GRIA3: variants seen among roughly 807,000 people sequenced by gnomAD.
The protein encoded by GRIA3 is glutamate receptor 3.
A neutral mutation model predicts 63.0 loss-of-function variants in GRIA3; 3 were observed. The observed-to-expected ratio is 0.05, with a 90% CI of 0.02 to 0.12. GRIA3 has a LOEUF of 0.12. GRIA3 is among the 10% of genes least tolerant of loss of function. The pLI, the probability that GRIA3 is intolerant of heterozygous loss-of-function variation, is 1.00. For synonymous variants in GRIA3, 274 were observed against 257.9 expected, an observed-to-expected ratio of 1.06 and a Z score of -0.60; for missense variants, 347 against 700.9, an observed-to-expected ratio of 0.50 and a Z score of 5.70.
At chrX:123,468,121 T>C in intron 13 of GRIA3, among the ~76,000 whole-genome samples, 1 of 111,917 alleles carries the variant, frequency 8.9e-6, no homozygotes, top group Non-Finnish European at 1.9e-5. Flanking sequence ...GATAATAGTA[T>C]GATCGATCAG....
intron 13 of GRIA3, among the ~76,000 whole-genome samples, chrX:123,467,381 T>C (rs1162090729): frequency 8.9e-6 from 1 of 112,364 alleles, no homozygotes; most frequent in Admixed American, 9.4e-5. Flanking sequence ...TCATCCCTTA[T>C]GGATTCCAAT....
At chrX:123,211,937 T>C (rs1928052157) in intron 2 of GRIA3, among the ~76,000 whole-genome samples, 1 of 111,822 alleles carries the variant, frequency 8.9e-6, no homozygotes. Flanking sequence ...CCGTATAGTA[T>C]CGTTATTGAG....
chrX:123,387,560 G>A (rs1390044827), intron 5 of GRIA3, among the ~76,000 whole-genome samples: 1 of 111,468 alleles, frequency 9.0e-6, no homozygotes, highest in Non-Finnish European at 1.9e-5. Context: ...TCTGATTTCA[G>A]CTGTGGGTTT....
chrX:123,285,361 G>C (rs1285839495), intron 3 of GRIA3, among the ~76,000 whole-genome samples: 1 of 109,744 alleles, frequency 9.1e-6, no homozygotes, highest in Non-Finnish European at 1.9e-5. Flanking sequence ...AAAATAACCA[G>C]CTGGCATCAT....
At chrX:123,403,655 A>T in intron 9 of GRIA3, 136 bp downstream of exon 9, 1 of 530,437 alleles carries the variant, frequency 1.9e-6, no homozygotes, top group Non-Finnish European at 3.4e-6. Flanking sequence ...GGAAACTCTC[A>T]AAGTATCTTG....
intron 2 of GRIA3, among the ~76,000 whole-genome samples, chrX:123,194,880 T>G (rs775624494): frequency 7.1e-5 from 8 of 112,509 alleles, no homozygotes; most frequent in Non-Finnish European, 1.1e-4. Flanking sequence ...GCTATTGGCC[T>G]ATGCAAGCAT....
At chrX:123,223,797 G>GA (rs2044230890) in intron 2 of GRIA3, among the ~76,000 whole-genome samples, 1 of 111,846 alleles carries the variant, frequency 8.9e-6, no homozygotes, top group African/African-American at 3.3e-5. Flanking sequence ...ATACAAATTT[G>GA]AAAAAATAGA....
rs749956793 is a variant in GRIA3 at position 123,371,987 on chromosome X, T to C, written c.750+17024T>C. ...CCGGGAGATTTTCCCCAATGTTTCA[T>C]TGTAGTGGTTTCATTATAGGAGGTC... On this transcript the variant is annotated intron_variant, in intron 5 of 15. Transcript: ENST00000620443. Among the ~76,000 whole-genome samples, 4 of 111,826 alleles carry C rather than the reference T, an allele frequency of 3.6e-5. No homozygotes were observed. In the Admixed American group the frequency reaches 3.8e-4, roughly 11 times the overall value.
At chrX:123,483,146 A>G in intron 15 of GRIA3, 100 bp downstream of exon 15, 2 of 701,296 alleles carry the variant, frequency 2.9e-6, no homozygotes, top group Non-Finnish European at 4.4e-6. Flanking sequence ...TATTGTTCAA[A>G]GCATTGTCTC....
intron 3 of GRIA3, among the ~76,000 whole-genome samples, chrX:123,300,530 C>T (rs1055964276): frequency 9.2e-6 from 1 of 108,569 alleles, no homozygotes; most frequent in African/African-American, 3.3e-5. Context: ...TGAATTTTCT[C>T]TCTTTTCTTA....
intron 3 of GRIA3, among the ~76,000 whole-genome samples, chrX:123,284,337 C>A (rs867177609): frequency 2.7e-5 from 3 of 111,764 alleles, no homozygotes; most frequent in Non-Finnish European, 5.6e-5. Context: ...CAGAATGCCT[C>A]TTCAACTCCA....
At chrX:123,391,563 A>C (rs1233137328) in intron 5 of GRIA3, among the ~76,000 whole-genome samples, 2 of 111,326 alleles carry the variant, frequency 1.8e-5, no homozygotes, top group Non-Finnish European at 3.8e-5. Flanking sequence ...ATACCTGTCC[A>C]TGGGCCTCAG....
chrX:123,414,538 C>T (rs761286666), intron 10 of GRIA3, among the ~76,000 whole-genome samples: 2 of 111,139 alleles, frequency 1.8e-5, no homozygotes, highest in East Asian at 2.8e-4. Context: ...ACGTCATTTA[C>T]GTTAGGCATT....
chrX:123,458,038 G>T (rs990902481), intron 12 of GRIA3, among the ~76,000 whole-genome samples: 1 of 111,383 alleles, frequency 9.0e-6, no homozygotes, highest in African/African-American at 3.3e-5. Flanking sequence ...TGCAAACAAG[G>T]CAATTAACAA....
At chrX:123,197,580 T>C (rs750102780) in intron 2 of GRIA3, among the ~76,000 whole-genome samples, 2 of 112,368 alleles carry the variant, frequency 1.8e-5, no homozygotes, top group African/African-American at 6.5e-5. Flanking sequence ...TTAACTCTTG[T>C]CCAATTCTTA....
intron 11 of GRIA3, among the ~76,000 whole-genome samples, chrX:123,421,603 T>C (rs377039601): frequency 8.9e-6 from 1 of 112,152 alleles, no homozygotes; most frequent in African/African-American, 3.2e-5. Flanking sequence ...TTCAAGAAAT[T>C]ATGAGACCAC....
At position 123,266,158 on chromosome X, in the gene GRIA3, T is replaced by C. The variant is rs745885885; in HGVS notation, c.508+12616T>C. On this transcript the variant is annotated intron_variant, in intron 3 of 15. Transcript: ENST00000620443. ...ATTTCTAGGATAAAAGATAAAGCAG[T>C]TTTGCTTCTTGAATATTTTTGTAAT... Among the ~76,000 whole-genome samples the C allele has an allele frequency of 1.5e-4, 17 of 111,865 alleles. No homozygotes were observed. The Admixed American group carries it at 1.6e-3, about 11-fold the overall frequency.
intron 13 of GRIA3, among the ~76,000 whole-genome samples, chrX:123,474,518 C>T (rs946133173): frequency 3.6e-5 from 4 of 109,653 alleles, no homozygotes; most frequent in African/African-American, 6.6e-5. Context: ...CCCATCTCTA[C>T]GAAAAATATA....
intron 2 of GRIA3, among the ~76,000 whole-genome samples, chrX:123,233,806 G>T (rs1468318435): frequency 9.0e-6 from 1 of 111,684 alleles, no homozygotes; most frequent in African/African-American, 3.3e-5. Flanking sequence ...CTGGGAATTT[G>T]ATGATCAGAG....
Sources: gnomAD v4.1 joint callset for allele counts (sites outside exome capture counted in the v4.1 genomes callset) on GRCh38, gnomAD v4.1.1 for gene constraint, MANE v1.5 for transcripts, NCBI Gene and HGNC (gene_info 2026-07-23, HGNC 2026-07-21) for gene names.